The following ENPP1 variants were observed in gnomAD, a reference collection of about 807,000 sequenced individuals.
ENPP1 encodes the protein ectonucleotide pyrophosphatase/phosphodiesterase family member 1.
A neutral mutation model predicts 122.8 loss-of-function variants in ENPP1; 73 were observed. The observed-to-expected ratio is 0.59, with a 90% CI of 0.49 to 0.72. ENPP1 has a LOEUF of 0.72. Among genes scored for constraint, ENPP1 ranks in the 30% least tolerant of loss-of-function variants. The probability of loss-of-function intolerance (pLI) is 0.00; values close to 1 mark genes in which losing one functional copy is unlikely to be tolerated. For missense variants in ENPP1, 978 were observed against 1,128.1 expected, an observed-to-expected ratio of 0.87 and a Z score of 1.91; for synonymous variants, 367 against 391.6, an observed-to-expected ratio of 0.94 and a Z score of 0.74.
intron 1 of ENPP1, chr6:131,827,419 A>T (rs766692539): frequency 1.1e-5 from 8 of 710,804 alleles, no homozygotes; most frequent in Admixed American, 4.0e-5. Context: ...AGCATCCACC[A>T]CAGCCTGTAG....
chr6:131,894,685 G>A lies in ENPP1; in HGVS notation c.*4174G>A, dbSNP rs1454686940. On this transcript the variant is annotated 3_prime_UTR_variant, in exon 25 of 25. Transcript: ENST00000647893. The stretch of plus-strand genomic sequence containing the variant: ...ACGTTTCCAAGAATCAGATAAAAGA[G>A]GACAAACCTTAGGGAGAAGAAGGCA... 6.6e-6 allele frequency: 1 copy of A among 152,280 alleles called. No individual in the cohort carries two copies. The highest frequency in any genetic ancestry group is 1.5e-5 in the Non-Finnish European group (1 of 68,104). 9.4% of individuals were successfully genotyped at this position (152,280 alleles called of 1,614,324 possible).
intron 1 of ENPP1, among the ~76,000 whole-genome samples, chr6:131,813,394 G>A (rs1585786507): frequency 6.6e-6 from 1 of 151,964 alleles, no homozygotes; most frequent in Non-Finnish European, 1.5e-5. Flanking sequence ...GCAGGGCATG[G>A]TAGTACATGC....
chr6:131,888,235 C>CTTTT (rs58493790), intron 24 of ENPP1, among the ~76,000 whole-genome samples: 5,280 of 139,364 alleles, frequency 0.038, 131 homozygotes, highest in African/African-American at 0.069. Context: ...CCTACATTTC[C>CTTTT]TTTTTTTTTT....
chr6:131,888,087 C>T (rs1782412375), intron 24 of ENPP1, among the ~76,000 whole-genome samples: 2 of 152,208 alleles, frequency 1.3e-5, no homozygotes, highest in East Asian at 3.9e-4. Context: ...TTCTCTACCT[C>T]CTGACCTCAG....
chr6:131,834,864 A>C (rs1411201030), intron 1 of ENPP1, among the ~76,000 whole-genome samples: 3 of 152,102 alleles, frequency 2.0e-5, no homozygotes, highest in Non-Finnish European at 2.9e-5. Flanking sequence ...CAGCTGAGGT[A>C]ATAGTCTTTA....
At chr6:131,870,392 C>T (rs971853969) in intron 13 of ENPP1, among the ~76,000 whole-genome samples, 2 of 152,158 alleles carry the variant, frequency 1.3e-5, no homozygotes, top group African/African-American at 4.8e-5. Flanking sequence ...TATTCTTTTG[C>T]CAGTCAAGTG....
intron 4 of ENPP1, 52 bp downstream of exon 4, chr6:131,851,319 CG>C: frequency 6.2e-7 from 1 of 1,612,162 alleles, no homozygotes; most frequent in Non-Finnish European, 8.5e-7. Flanking sequence ...AGCGTCTTAG[CG>C]GGGCTTTACA....
intron 24 of ENPP1, among the ~76,000 whole-genome samples, chr6:131,887,522 A>G (rs1782397460): frequency 7.0e-6 from 1 of 142,464 alleles, no homozygotes. Context: ...CCTCCCGAGT[A>G]GCTGGGACTA....
intron 1 of ENPP1, among the ~76,000 whole-genome samples, chr6:131,831,771 C>G (rs762674814): frequency 1.3e-5 from 2 of 152,140 alleles, no homozygotes; most frequent in Non-Finnish European, 2.9e-5. Context: ...ATGATGTTAA[C>G]CTTGACTACC....
rs1782459855 is a variant in ENPP1 at position 131,890,815 on chromosome 6, TTGTC to T, written c.*307_*310del. 1 of 381,602 alleles carries T rather than the reference TTGTC, an allele frequency of 2.6e-6. No homozygotes were observed. The highest frequency in any genetic ancestry group is 2.8e-5 in the South Asian group (1 of 35,792). 23.6% of individuals were successfully genotyped at this position (381,602 alleles called of 1,614,324 possible). On this transcript the variant is annotated 3_prime_UTR_variant, in exon 25 of 25. Transcript: ENST00000647893. ...CTTAAAGGAGAAGTAGCTGTGAACA[TTGTC>T]TGGATACCAGATATTTGAATCTTTC... is the stretch of plus-strand genomic sequence containing the variant.
At chr6:131,866,437 A>C (rs1349259933) in intron 11 of ENPP1, among the ~76,000 whole-genome samples, 1 of 152,170 alleles carries the variant, frequency 6.6e-6, no homozygotes, top group Non-Finnish European at 1.5e-5. Flanking sequence ...CAGCAGAGGA[A>C]GGAAGGGAGG....
intron 1 of ENPP1, among the ~76,000 whole-genome samples, chr6:131,842,156 T>C (rs1289156178): frequency 1.3e-5 from 2 of 152,222 alleles, no homozygotes; most frequent in Admixed American, 6.5e-5. Flanking sequence ...CCTTAAACTG[T>C]GTTAATCGTA....
rs117999851 is a variant in ENPP1 at position 131,876,702 on chromosome 6, G to A, written c.1724-290G>A. On this transcript the variant is annotated intron_variant, in intron 17 of 24. Transcript: ENST00000647893. ...TTTTGGGGAATAAATAAGAAAATAT[G>A]TTAGTACCATGATTGGCAAAAATAT... Among the ~76,000 whole-genome samples, 23 of 152,266 alleles carry A rather than the reference G, an allele frequency of 1.5e-4. No homozygotes were observed. The East Asian group carries it at 4.4e-3, about 29-fold the overall frequency.
At chr6:131,887,223 C>T (rs1283491937) in intron 24 of ENPP1, among the ~76,000 whole-genome samples, 1 of 152,000 alleles carries the variant, frequency 6.6e-6, no homozygotes, top group Non-Finnish European at 1.5e-5. Flanking sequence ...AGTTGTTAGA[C>T]AACATTTCAA....
intron 18 of ENPP1, chr6:131,877,453 C>G: frequency 2.3e-6 from 1 of 436,778 alleles, no homozygotes; most frequent in Non-Finnish European, 4.2e-6. Flanking sequence ...AAGTCTAGTT[C>G]AGTTCTTGAG....
chr6:131,879,928 T>G lies in ENPP1; in HGVS notation c.1994T>G (p.Leu665Arg). The change falls in exon 20 of 25, where the codon CTC becomes CGC. Residue 665 changes from leucine to arginine, a missense_variant. Leu to Arg is a moderately radical substitution (Grantham distance 102). Coordinates refer to ENST00000647893, the MANE Select transcript of ENPP1 (RefSeq NM_006208.3). ...TTACCCTATGGAAGACCTAGAGTTC[T>G]CCAGAAGGAAAACACCATCTGTCTT... ...ETLPYGRPRV[L>R]QKENTICLLS... 6.2e-7 allele frequency: 1 copy of G among 1,613,754 alleles called. No homozygotes were observed. The highest frequency in any genetic ancestry group is 8.5e-7 in the Non-Finnish European group (1 of 1,179,666).
At chr6:131,814,632 G>T (rs145778205) in intron 1 of ENPP1, among the ~76,000 whole-genome samples, 1 of 152,238 alleles carries the variant, frequency 6.6e-6, no homozygotes, top group Non-Finnish European at 1.5e-5. Flanking sequence ...TCTAGAATAT[G>T]GAAGGAAGAA....
chr6:131,810,314 T>G (rs116513676), intron 1 of ENPP1, among the ~76,000 whole-genome samples: 2,278 of 152,282 alleles, frequency 0.015, 67 homozygotes, highest in African/African-American at 0.052. Flanking sequence ...ACTGTGATTG[T>G]GCCACTGCAC....
chr6:131,843,808 C>T (rs576282325), intron 1 of ENPP1, among the ~76,000 whole-genome samples: 41 of 152,192 alleles, frequency 2.7e-4, no homozygotes, highest in African/African-American at 9.4e-4. Context: ...TTTGTTGTCG[C>T]CACTGGTTTG....
Sources: allele counts gnomAD v4.1 joint callset (sites outside exome capture counted in the v4.1 genomes callset), GRCh38; gene constraint gnomAD v4.1.1; transcripts MANE v1.5; gene names NCBI Gene and HGNC (gene_info 2026-07-23, HGNC 2026-07-21).